The following ACSM1 variants were observed in gnomAD, a reference collection of about 807,000 sequenced individuals.
The protein encoded by ACSM1 is acyl-CoA synthetase medium chain family member 1.
In ACSM1, 79 loss-of-function variants were observed where a neutral mutation model predicts 75.8. The ratio of observed to expected loss-of-function variants is 1.04; its 90% CI spans 0.87 to 1.26. ACSM1 has a LOEUF of 1.26. Among genes scored for constraint, ACSM1 ranks in the 50% most tolerant of loss-of-function variants. The probability of loss-of-function intolerance (pLI) is 0.00; values close to 1 mark genes in which losing one functional copy is unlikely to be tolerated. For synonymous variants in ACSM1, 279 were observed against 265.8 expected (o/e 1.05, Z -0.48); for missense variants, 676 against 720.1 (o/e 0.94, Z 0.70).
intron 7 of ACSM1, among the ~76,000 whole-genome samples, chr16:20,647,243 G>A (rs2018417005): frequency 6.6e-6 from 1 of 152,204 alleles, no homozygotes; most frequent in African/African-American, 2.4e-5. Flanking sequence ...TGGAATGGGA[G>A]ACTGGAGGGA....
intron 7 of ACSM1, among the ~76,000 whole-genome samples, chr16:20,653,611 T>C (rs1021869213): frequency 1.3e-5 from 2 of 152,020 alleles, no homozygotes; most frequent in African/African-American, 2.4e-5. Flanking sequence ...ACACCAATAA[T>C]AGACAAACAG....
chr16:20,624,316 C>T, intron 12 of ACSM1, 101 bp from the exon 13 acceptor site: 2 of 1,374,282 alleles, frequency 1.5e-6, no homozygotes, highest in Non-Finnish European at 1.9e-6. Context: ...TGACACTGAA[C>T]CCTACAGTGT....
chr16:20,637,849 T>G (rs2017817462), intron 8 of ACSM1, among the ~76,000 whole-genome samples: 1 of 152,226 alleles, frequency 6.6e-6, no homozygotes, highest in South Asian at 2.1e-4. Flanking sequence ...CTTGGGGCTG[T>G]TGAGCAGTGA....
At position 20,627,278 on chromosome 16, in the gene ACSM1, G is replaced by A; in HGVS notation, c.1338C>T (p.Asp446=). Residue 446 remains aspartate, a synonymous_variant, in exon 11 of 14, where the codon GAC becomes GAT. Transcript: ENST00000520010. ...TACCTCTGTCCCCAGTGTTGTAGAA[G>A]TCCCCACATTCCACTTTAGCTGTCT... The part of the protein sequence containing the change: ...PEKTAKVECG[D]FYNTGDRGKM... The A allele has an allele frequency of 6.3e-7, 1 of 1,585,536 alleles. No homozygotes were observed. The highest frequency in any genetic ancestry group is 1.4e-5 in the African/African-American group (1 of 73,384).
At chr16:20,671,191 G>A (rs1418435266) in intron 5 of ACSM1, among the ~76,000 whole-genome samples, 1 of 152,070 alleles carries the variant, frequency 6.6e-6, no homozygotes, top group East Asian at 1.9e-4. Flanking sequence ...CAAAATTATG[G>A]AACCACTGTC....
At chr16:20,664,640 T>C (rs1245051082) in intron 6 of ACSM1, among the ~76,000 whole-genome samples, 1 of 152,210 alleles carries the variant, frequency 6.6e-6, no homozygotes, top group East Asian at 1.9e-4. Flanking sequence ...AACTCAACAT[T>C]TGACCAATTG....
chr16:20,647,955 C>A (rs144416433), intron 7 of ACSM1, among the ~76,000 whole-genome samples: 37 of 152,316 alleles, frequency 2.4e-4, no homozygotes, highest in Admixed American at 6.5e-4. Flanking sequence ...TTTTGACCTC[C>A]TCATTCTCAC....
intron 1 of ACSM1, among the ~76,000 whole-genome samples, chr16:20,695,183 C>T (rs1356870002): frequency 6.6e-6 from 1 of 152,194 alleles, no homozygotes; most frequent in South Asian, 2.1e-4. Context: ...GTAGCTGAAA[C>T]AGCATGGCCC....
chr16:20,627,905 T>C (rs185385497), intron 10 of ACSM1, among the ~76,000 whole-genome samples: 1,531 of 90,268 alleles, frequency 0.017, 140 homozygotes, highest in African/African-American at 0.066. Flanking sequence ...TATATATATA[T>C]ATATATATAT....
At position 20,646,053 on chromosome 16, in the gene ACSM1, AC is replaced by A. The variant is rs2018341805; in HGVS notation, c.993-5470del. Among the ~76,000 whole-genome samples the A allele has an allele frequency of 2.6e-5, 4 of 152,264 alleles. No individual in the cohort carries two copies. The South Asian group carries it at 8.3e-4, about 32-fold the overall frequency. On this transcript the variant is annotated intron_variant, in intron 7 of 13. Coordinates refer to ENST00000520010, the MANE Select transcript of ACSM1 (RefSeq NM_001318890.3). ...GAGCAAAACTTAGAAACCCTATTGA[AC>A]TTGGCAACCTCAGTTTTTTATAATA...
chr16:20,669,752 A>AT (rs1187727296), intron 6 of ACSM1, 75 bp downstream of exon 6: 1 of 1,487,198 alleles, frequency 6.7e-7, no homozygotes, highest in Admixed American at 1.9e-5. Flanking sequence ...TTAATAAAAT[A>AT]TTTTTTTAGC....
rs532926933 is a variant in ACSM1, at chr16:20,623,484, G to T, written c.*2C>A. ...TGCAGTGCGTTCTGAGTTCACTGCC[G>T]ATTACATCTGACCAGTCTCCTTTTT... is the stretch of plus-strand genomic sequence containing the variant. On this transcript the variant is annotated 3_prime_UTR_variant, in exon 14 of 14. Transcript: ENST00000520010. 2 of 1,613,882 alleles carry T rather than the reference G, an allele frequency of 1.2e-6. No homozygotes were observed. The highest frequency in any genetic ancestry group is 1.7e-6 in the Non-Finnish European group (2 of 1,179,836).
chr16:20,661,822 G>T lies in ACSM1; in HGVS notation c.964C>A (p.Arg322=), dbSNP rs376985029. ...NHFWGVSSIY[R]MILQQDFTSI... Reference sequence around the variant, plus strand: ...GTGAAATCCTGCTGCAGAATCATTCGATATATAGATGATACCCCCCAAAAG... The same window carrying T: ...GTGAAATCCTGCTGCAGAATCATTCTATATATAGATGATACCCCCCAAAAG... Residue 322 remains arginine, a synonymous_variant, in exon 7 of 14, where the codon CGA becomes AGA. Coordinates refer to ENST00000520010, the MANE Select transcript of ACSM1 (RefSeq NM_001318890.3). The T allele has an allele frequency of 6.2e-7, 1 of 1,610,298 alleles. No individual in the cohort carries two copies. Among genetic ancestry groups the T allele is most frequent in the Non-Finnish European group, 8.5e-7 (1 of 1,177,326 alleles).
rs1418212910 is a variant in ACSM1 at position 20,638,248 on chromosome 16, G to T, written c.1117-797C>A. ...AATGATAACACTTACCTCCCAGAGT[G>T]CTTGTAAGCATATGGAAAATTCTGC... On this transcript the variant is annotated intron_variant, in intron 8 of 13. Coordinates refer to ENST00000520010, the MANE Select transcript of ACSM1 (RefSeq NM_001318890.3). 4.6e-5 allele frequency among the ~76,000 whole-genome samples: 7 copies of T among 152,158 alleles called. No homozygotes were observed. In the East Asian group the frequency reaches 1.3e-3, roughly 29 times the overall value.
chr16:20,676,105 A>G (rs1180180927), intron 4 of ACSM1: 1 of 152,248 alleles, frequency 6.6e-6, no homozygotes, highest in Non-Finnish European at 1.5e-5. Flanking sequence ...GTTCAAAGAG[A>G]TACAGGCTCC....
chr16:20,659,260 T>C (rs1308197829), intron 7 of ACSM1, among the ~76,000 whole-genome samples: 1 of 152,128 alleles, frequency 6.6e-6, no homozygotes, highest in Non-Finnish European at 1.5e-5. Flanking sequence ...AGGAACAAGC[T>C]TTCCTAGCAC....
chr16:20,671,440 G>GACACACACAC lies in ACSM1; in HGVS notation c.752+81_752+90dup, dbSNP rs55913255. 713 of 970,792 alleles carry GACACACACAC rather than the reference G, an allele frequency of 7.3e-4. 5 individuals are homozygous for GACACACACAC. The African/African-American group carries it at 0.012, about 16-fold the overall frequency. 60.1% of individuals were successfully genotyped at this position (970,792 alleles called of 1,614,324 possible). ...CTTCTACTTCCAGTTCCTTTCCCAA[G>GACACACACAC]ACACACACACACACACACACACACA... On this transcript the variant is annotated intron_variant, in intron 5 of 13. Coordinates refer to ENST00000520010, the MANE Select transcript of ACSM1 (RefSeq NM_001318890.3).
intron 7 of ACSM1, among the ~76,000 whole-genome samples, chr16:20,657,654 C>T (rs747083049): frequency 5.3e-5 from 8 of 151,970 alleles, no homozygotes; most frequent in Admixed American, 2.0e-4. Flanking sequence ...ATGTGCACAA[C>T]GTGCAGGTTT....
chr16:20,645,445 T>TC (rs1475874590), intron 7 of ACSM1, among the ~76,000 whole-genome samples: 1 of 152,170 alleles, frequency 6.6e-6, no homozygotes, highest in African/African-American at 2.4e-5. Flanking sequence ...TGTACCTTTT[T>TC]CCCTCTCAGA....
Sources: gnomAD v4.1 joint callset for allele counts (sites outside exome capture counted in the v4.1 genomes callset) on GRCh38, gnomAD v4.1.1 for gene constraint, MANE v1.5 for transcripts, NCBI Gene and HGNC (gene_info 2026-07-23, HGNC 2026-07-21) for gene names.